SFSWAP: variants seen among roughly 807,000 people sequenced by gnomAD.
SFSWAP encodes the protein splicing factor SWAP.
SFSWAP carries 17 observed loss-of-function variants against 100.7 expected under a neutral mutation model. The ratio of observed to expected loss-of-function variants is 0.17; its 90% CI spans 0.12 to 0.25. The LOEUF (loss-of-function observed/expected upper bound fraction) is 0.25. Among genes scored for constraint, SFSWAP ranks in the 10% least tolerant of loss-of-function variants. The pLI is 1.00. For synonymous variants in SFSWAP, 504 were observed against 510.1 expected, an observed-to-expected ratio of 0.99 and a Z score of 0.16; for missense variants, 1,005 against 1,262.6, an observed-to-expected ratio of 0.80 and a Z score of 3.09.
intron 5 of SFSWAP, among the ~76,000 whole-genome samples, chr12:131,726,155 T>C (rs1201930328): frequency 6.7e-6 from 1 of 149,508 alleles, no homozygotes; most frequent in Non-Finnish European, 1.5e-5. Flanking sequence ...GACAAGTCTA[T>C]TCATATATAT....
Position 131,725,591 on chromosome 12 carries a change from T to C in SFSWAP, c.793T>C (p.Tyr265His), listed in dbSNP as rs1358700507. The C allele has an allele frequency of 3.1e-6, 5 of 1,614,100 alleles. No homozygotes were observed. The highest frequency in any genetic ancestry group is 4.2e-6 in the Non-Finnish European group (5 of 1,180,000). ...FIQKAMKEGR[Y>H]TVLAENKSDE... ...CCAGAAAGCCATGAAAGAGGGACGC[T>C]ACACTGTCCTGGCAGAAAACAAAAG... Residue 265 changes from tyrosine to histidine, a missense_variant, in exon 5 of 18, where the codon TAC becomes CAC. This residue lies in a region of SFSWAP where 54 missense variants were observed against 51.9 expected (regional missense o/e 1.04). Transcript: ENST00000261674. This position sits in a 1 kb window ranked among gnomAD's most constrained non-coding sequence, Gnocchi z 4.3.
At chr12:131,758,397 C>T (rs1272391660) in intron 11 of SFSWAP, among the ~76,000 whole-genome samples, 2 of 152,156 alleles carry the variant, frequency 1.3e-5, no homozygotes, top group African/African-American at 4.8e-5. Flanking sequence ...CAATATCTGA[C>T]AAAACCCATG....
chr12:131,737,383 TG>T (rs1880134931), intron 7 of SFSWAP, among the ~76,000 whole-genome samples: 1 of 152,234 alleles, frequency 6.6e-6, no homozygotes, highest in Non-Finnish European at 1.5e-5. Context: ...CTGACTCACC[TG>T]CCCGTTTGCG....
intron 7 of SFSWAP, among the ~76,000 whole-genome samples, chr12:131,748,018 G>A (rs1042894512): frequency 1.3e-5 from 2 of 152,178 alleles, no homozygotes; most frequent in East Asian, 1.9e-4. Context: ...TGGGAGCAGC[G>A]AGGCCACCAT....
intron 6 of SFSWAP, 34 bp downstream of exon 6, chr12:131,727,086 C>A: frequency 7.9e-7 from 1 of 1,267,758 alleles, no homozygotes; most frequent in South Asian, 1.3e-5. Context: ...TATTTTTATG[C>A]CACCACAAAA....
At chr12:131,746,639 G>T (rs557150243) in intron 7 of SFSWAP, among the ~76,000 whole-genome samples, 1 of 152,274 alleles carries the variant, frequency 6.6e-6, no homozygotes, top group South Asian at 2.1e-4. Context: ...CCAAGAAAGG[G>T]TACATAGGAA....
intron 14 of SFSWAP, chr12:131,785,871 A>G (rs1437705667): frequency 6.5e-6 from 1 of 153,138 alleles, no homozygotes; most frequent in African/African-American, 2.4e-5. Context: ...GTTCCTGAGT[A>G]TCTGTGCTGA....
At chr12:131,759,641 T>TA (rs548736561) in intron 11 of SFSWAP, among the ~76,000 whole-genome samples, 14,277 of 147,882 alleles carry the variant, frequency 0.097, 930 homozygotes, top group South Asian at 0.22. Context: ...CTACTAAAAA[T>TA]AAAAAAAAAA....
Position 131,754,397 on chromosome 12 carries a change from C to A in SFSWAP, c.1352C>A (p.Pro451His). The part of the protein sequence containing the change: ...SALAPVAAII[P>H]PPPDVQPVID... ...CTTGCCCCCGTGGCCGCCATCATCC[C>A]CCCGCCCCCCGACGTCCAGCCCGTG... The change falls in exon 9 of 18, where the codon CCC becomes CAC. Residue 451 changes from proline to histidine, a missense_variant. Transcript: ENST00000261674. 6.3e-7 allele frequency: 1 copy of A among 1,593,854 alleles called. No homozygotes were observed. The highest frequency in any genetic ancestry group is 8.5e-7 in the Non-Finnish European group (1 of 1,172,506).
At chr12:131,799,372 G>C in intron 17 of SFSWAP, 51 bp from the exon 18 acceptor site, 2 of 1,572,846 alleles carry the variant, frequency 1.3e-6, no homozygotes, top group Admixed American at 1.7e-5. Context: ...CACCACGTGG[G>C]TTGTCTGGCC....
At chr12:131,759,666 T>G (rs1882482214) in intron 11 of SFSWAP, among the ~76,000 whole-genome samples, 1 of 151,670 alleles carries the variant, frequency 6.6e-6, no homozygotes, top group Non-Finnish European at 1.5e-5. Context: ...CCGGGCGTGG[T>G]GGCGGGCGCC....
intron 11 of SFSWAP, among the ~76,000 whole-genome samples, chr12:131,759,441 C>A (rs1216639028): frequency 1.3e-5 from 2 of 152,180 alleles, no homozygotes; most frequent in African/African-American, 4.8e-5. Flanking sequence ...CAAAGCTTGG[C>A]AATCTGTAGA....
chr12:131,724,973 C>G (rs1239348235), intron 4 of SFSWAP, among the ~76,000 whole-genome samples: 2 of 152,188 alleles, frequency 1.3e-5, no homozygotes, highest in Non-Finnish European at 2.9e-5. Flanking sequence ...GCTGTGAAAC[C>G]TAGTCCCCGC....
intron 10 of SFSWAP, among the ~76,000 whole-genome samples, 185 bp downstream of exon 10, chr12:131,755,664 A>G (rs2136226787): frequency 6.6e-6 from 1 of 152,128 alleles, no homozygotes; most frequent in East Asian, 1.9e-4. Context: ...TGATCTGTTG[A>G]AAGCATCTGC....
In SFSWAP at chr12:131,714,762, T is replaced by C. The variant is rs111408011; in HGVS notation, c.389-60T>C. On this transcript the variant is annotated intron_variant, in intron 2 of 17. Coordinates refer to ENST00000261674, the MANE Select transcript of SFSWAP (RefSeq NM_004592.4). The surrounding 1 kb of genome is among the most constrained non-coding windows in gnomAD (Gnocchi z 6.0). ...ACTGATAGCTACAACTTTAGAAATA[T>C]ATAAAGTTTTTCTCAGTAATTTTCT... is the stretch of plus-strand genomic sequence containing the variant. 383 of 1,485,656 alleles carry C rather than the reference T, an allele frequency of 2.6e-4. 3 individuals are homozygous for C. In the African/African-American group the frequency reaches 4.7e-3, roughly 18 times the overall value. The allele number at this position is 1,485,656 out of a possible 1,614,324, so 92.0% of individuals were successfully genotyped here.
intron 13 of SFSWAP, among the ~76,000 whole-genome samples, chr12:131,773,491 C>A (rs1049102551): frequency 1.3e-5 from 2 of 152,142 alleles, no homozygotes; most frequent in Admixed American, 1.3e-4. Context: ...CATGCACTTG[C>A]CACCATGCCC....
At chr12:131,798,805 G>A (rs749572609) in intron 16 of SFSWAP, among the ~76,000 whole-genome samples, 25 of 152,048 alleles carry the variant, frequency 1.6e-4, no homozygotes, top group Non-Finnish European at 2.8e-4. Context: ...CAGGAGAATT[G>A]CTTGAATCTG....
chr12:131,777,796 C>T (rs1412339682), intron 13 of SFSWAP, among the ~76,000 whole-genome samples: 1 of 152,160 alleles, frequency 6.6e-6, no homozygotes, highest in Non-Finnish European at 1.5e-5. Context: ...TAATACTGTG[C>T]TCCTCTTGTT....
At chr12:131,786,272 C>T (rs1405611326) in intron 14 of SFSWAP, among the ~76,000 whole-genome samples, 191 bp from the exon 15 acceptor site, 2 of 152,148 alleles carry the variant, frequency 1.3e-5, no homozygotes, top group South Asian at 2.1e-4. Context: ...AGATTGGATT[C>T]GGGTTTCAGT....
Sources: gnomAD v4.1 joint callset for allele counts (sites outside exome capture counted in the v4.1 genomes callset) on GRCh38, gnomAD v4.1.1 for gene constraint, gnomAD v4.1.1 regional missense constraint, Gnocchi (gnomAD v3.1) non-coding constraint, MANE v1.5 for transcripts, NCBI Gene and HGNC (gene_info 2026-07-23, HGNC 2026-07-21) for gene names.